RELN: variants seen among roughly 807,000 people sequenced by gnomAD.
RELN encodes the protein reelin.
RELN carries 108 observed loss-of-function variants against 427.6 expected under a neutral mutation model. The observed-to-expected ratio is 0.25, with a 90% CI of 0.22 to 0.30. The LOEUF (loss-of-function observed/expected upper bound fraction) is 0.30. Among genes scored for constraint, RELN ranks in the 10% least tolerant of loss-of-function variants. RELN has a pLI of 1.00. For synonymous variants in RELN, 1,524 were observed against 1,513.4 expected, an observed-to-expected ratio of 1.01 and a Z score of -0.16; for missense variants, 3,715 against 4,302.8, an observed-to-expected ratio of 0.86 and a Z score of 3.82.
intron 8 of RELN, among the ~76,000 whole-genome samples, chr7:103,717,167 C>A (rs1454282407): frequency 4.6e-5 from 7 of 151,918 alleles, no homozygotes; most frequent in Non-Finnish European, 2.9e-5. Context: ...TATAATCAAT[C>A]TCAACAATCT....
Position 103,989,360 on chromosome 7 carries a change from G to GCCGCCA in RELN, c.-5_-4insTGGCGG, listed in dbSNP as rs1312312023. On this transcript the variant is annotated 5_prime_UTR_variant, in exon 1 of 65. Coordinates refer to ENST00000428762, the MANE Select transcript of RELN (RefSeq NM_005045.4). This position sits in a 1 kb window ranked among gnomAD's most constrained non-coding sequence, Gnocchi z 4.9. Reference sequence around the variant, plus strand: ...GGGCCCAGCCACTGCGCTCCATGCCGCCGCCGCCGCCGCCGCCGCCGCGCG... The same window carrying GCCGCCA: ...GGGCCCAGCCACTGCGCTCCATGCCGCCGCCACCGCCGCCGCCGCCGCCGCCGCGCG... 7.1e-7 allele frequency: 1 copy of GCCGCCA among 1,407,188 alleles called. No homozygotes were observed. The allele number at this position is 1,407,188 out of a possible 1,614,324, so 87.2% of individuals were successfully genotyped here. A position where few individuals can be genotyped will look rare whatever the true frequency, so the allele number is the denominator to read the frequency against.
chr7:103,689,068 A>C (rs1833819311), intron 10 of RELN, among the ~76,000 whole-genome samples: 1 of 152,150 alleles, frequency 6.6e-6, no homozygotes, highest in African/African-American at 2.4e-5. Flanking sequence ...TGCAAAATTT[A>C]ACAAATTACT....
chr7:103,801,755 G>A (rs1792474034), intron 3 of RELN, among the ~76,000 whole-genome samples: 1 of 151,464 alleles, frequency 6.6e-6, no homozygotes, highest in South Asian at 2.1e-4. Context: ...ACCTCTCTGT[G>A]CCCCACTAAT....
At chr7:103,489,114 A>C (rs1584221216) in intron 60 of RELN, among the ~76,000 whole-genome samples, 1 of 152,130 alleles carries the variant, frequency 6.6e-6, no homozygotes, top group East Asian at 1.9e-4. Context: ...CTGTGATGTG[A>C]AGGGTCGAGT....
chr7:103,654,076 C>T lies in RELN; in HGVS notation c.1554+17G>A. The T allele has an allele frequency of 6.9e-7, 1 of 1,440,996 alleles. No individual in the cohort carries two copies. 89.3% of individuals were successfully genotyped at this position (1,440,996 alleles called of 1,614,324 possible). Reference sequence around the variant, plus strand: ...GGTCTGAGGTGGTCTATTTGCCACACAGACTGGCATGTGTACCTTATATGA... The same window carrying T: ...GGTCTGAGGTGGTCTATTTGCCACATAGACTGGCATGTGTACCTTATATGA... On this transcript the variant is annotated intron_variant, in intron 13 of 64. Transcript: ENST00000428762.
intron 2 of RELN, among the ~76,000 whole-genome samples, chr7:103,894,181 T>C (rs1411971068): frequency 2.0e-5 from 3 of 152,146 alleles, no homozygotes; most frequent in African/African-American, 4.8e-5. Flanking sequence ...AAACCAGAGT[T>C]TTACCACATG....
intron 57 of RELN, among the ~76,000 whole-genome samples, chr7:103,495,321 TTTTTA>T (rs1317440300): frequency 6.6e-6 from 1 of 151,796 alleles, no homozygotes; most frequent in African/African-American, 2.4e-5. Flanking sequence ...ACGACTGGCT[TTTTTA>T]TTTTATTTAT....
chr7:103,803,922 G>GA (rs1792530829), intron 3 of RELN, among the ~76,000 whole-genome samples: 1 of 151,894 alleles, frequency 6.6e-6, no homozygotes, highest in South Asian at 2.1e-4. Context: ...ATAAAGGGTG[G>GA]AAAATGCACC....
At chr7:103,773,140 CTTTCTTTCTT>C (rs2116190902) in intron 4 of RELN, among the ~76,000 whole-genome samples, 1 of 96,934 alleles carries the variant, frequency 1.0e-5, no homozygotes, top group Admixed American at 1.1e-4. Flanking sequence ...TTCTTTCTTT[CTTTCTTTCTT>C]TCTTTCTTTC....
At chr7:103,722,134 A>C (rs932377080) in intron 8 of RELN, among the ~76,000 whole-genome samples, 1 of 152,170 alleles carries the variant, frequency 6.6e-6, no homozygotes, top group African/African-American at 2.4e-5. Context: ...CCCAAAATGT[A>C]ATCAGGTGAC....
chr7:103,856,964 A>C (rs1052018746), intron 2 of RELN, among the ~76,000 whole-genome samples: 1 of 152,206 alleles, frequency 6.6e-6, no homozygotes, highest in Non-Finnish European at 1.5e-5. Context: ...GAACATATAA[A>C]CATTTACAAT....
chr7:103,983,442 C>T (rs116809067), intron 1 of RELN, among the ~76,000 whole-genome samples: 6 of 152,248 alleles, frequency 3.9e-5, no homozygotes, highest in South Asian at 2.1e-4. Flanking sequence ...TCATTTCATG[C>T]GGAATGTCCT....
chr7:103,569,674 T>G lies in RELN; in HGVS notation c.4588+2510A>C, dbSNP rs143108703. ...CAGGCAGTAACAAGGTCTGCAGAGA[T>G]GAGGGCCCCAATTCCAAAGGACAAA... is the stretch of plus-strand genomic sequence containing the variant. On this transcript the variant is annotated intron_variant, in intron 31 of 64. Coordinates refer to ENST00000428762, the MANE Select transcript of RELN (RefSeq NM_005045.4). The surrounding 1 kb of genome is among the most constrained non-coding windows in gnomAD (Gnocchi z 4.0). Among the ~76,000 whole-genome samples, 422 of 152,254 alleles carry G rather than the reference T, an allele frequency of 2.8e-3. No homozygotes were observed. The highest frequency in any genetic ancestry group is 9.7e-3 in the African/African-American group (402 of 41,542).
chr7:103,784,644 C>T (rs1791974144), intron 3 of RELN, among the ~76,000 whole-genome samples: 1 of 152,090 alleles, frequency 6.6e-6, no homozygotes, highest in Non-Finnish European at 1.5e-5. Context: ...TTCTCTCTGC[C>T]TCTTCTAATA....
At chr7:103,641,478 T>C (rs576557100) in intron 16 of RELN, among the ~76,000 whole-genome samples, 148 of 152,328 alleles carry the variant, frequency 9.7e-4, no homozygotes, top group African/African-American at 3.4e-3. Context: ...ATCTTGGTGA[T>C]GGAAACTGCT....
intron 11 of RELN, among the ~76,000 whole-genome samples, chr7:103,669,162 G>A (rs1001074995): frequency 4.0e-5 from 6 of 151,832 alleles, no homozygotes; most frequent in South Asian, 2.1e-4. Context: ...TTTCTCCCAC[G>A]CTAACTGTTG....
Position 103,728,221 on chromosome 7 carries a change from G to T in RELN, c.657-14C>A, listed in dbSNP as rs375053317. The T allele has an allele frequency of 1.3e-5, 21 of 1,612,912 alleles. No homozygotes were observed. Among genetic ancestry groups the T allele is most frequent in the Admixed American group, 1.7e-5 (1 of 59,884 alleles). On this transcript the variant is annotated splice_polypyrimidine_tract_variant and intron_variant, in intron 6 of 64. Transcript: ENST00000428762. ...TTACATTCAACCCTGCAGGAAAACA[G>T]AACACAGTCCCCGTCTGAGAACTAA...
rs35268159 is a variant in RELN at position 103,565,554 on chromosome 7, G to GAAA, written c.4937-6_4937-4dup. ...GGTCTCAGCATAACGAGGTTTTCCT[G>GAAA]AAAAAAAAAAATGTGTAATGGTAGC... On this transcript the variant is annotated splice_region_variant and splice_polypyrimidine_tract_variant and intron_variant, in intron 33 of 64. Coordinates refer to ENST00000428762, the MANE Select transcript of RELN (RefSeq NM_005045.4). 4.9e-5 allele frequency: 69 copies of GAAA among 1,400,286 alleles called. No homozygotes were observed. Among genetic ancestry groups the GAAA allele is most frequent in the Admixed American group, 4.6e-4 (24 of 51,844 alleles). 86.7% of individuals were successfully genotyped at this position (1,400,286 alleles called of 1,614,324 possible).
Position 103,640,381 on chromosome 7 carries a change from T to C in RELN, c.2069+162A>G, listed in dbSNP as rs933957435. 3.3e-5 allele frequency among the ~76,000 whole-genome samples: 5 copies of C among 152,222 alleles called. No homozygotes were observed. Among genetic ancestry groups the C allele is most frequent in the African/African-American group, 1.2e-4 (5 of 41,468 alleles). ...AATATAAAATGTATTAATTTTCACT[T>C]AAAAATACATTTGAATTACACTTAA... On this transcript the variant is annotated intron_variant, in intron 17 of 64. Transcript: ENST00000428762. This position sits in a 1 kb window ranked among gnomAD's most constrained non-coding sequence, Gnocchi z 4.1.
Sources: allele counts gnomAD v4.1 joint callset (sites outside exome capture counted in the v4.1 genomes callset), GRCh38; gene constraint gnomAD v4.1.1; non-coding constraint Gnocchi (gnomAD v3.1); transcripts MANE v1.5; gene names NCBI Gene and HGNC (gene_info 2026-07-23, HGNC 2026-07-21).